The following TRPM3 variants were observed in gnomAD, a reference collection of about 807,000 sequenced individuals.
TRPM3 encodes the protein long transient receptor potential channel 3.
A neutral mutation model predicts 181.2 loss-of-function variants in TRPM3; 77 were observed. That is an observed-to-expected ratio of 0.42 (90% CI 0.35 to 0.51). The LOEUF (loss-of-function observed/expected upper bound fraction) is 0.51, where lower values mean the gene tolerates loss of function less well. Ranked by LOEUF, TRPM3 falls within the 20% of genes least tolerant of loss-of-function variation. The pLI is 0.01. For synonymous variants in TRPM3, 745 were observed against 796.4 expected, an observed-to-expected ratio of 0.94 and a Z score of 1.09; for missense variants, 1,759 against 2,196.7, an observed-to-expected ratio of 0.80 and a Z score of 3.98.
intron 1 of TRPM3, among the ~76,000 whole-genome samples, chr9:71,380,617 C>T (rs994805751): frequency 1.3e-5 from 2 of 151,874 alleles, no homozygotes; most frequent in Non-Finnish European, 2.9e-5. Context: ...CAGCAGAAAG[C>T]AAAGAAAATA....
At chr9:70,684,204 T>G (rs1325667718) in intron 8 of TRPM3, among the ~76,000 whole-genome samples, 2 of 152,150 alleles carry the variant, frequency 1.3e-5, no homozygotes, top group African/African-American at 4.8e-5. Context: ...CACATTTAGG[T>G]TTGAGGTTGA....
rs1018409556 is a variant in TRPM3, at chr9:71,098,938, G to A, written c.177+22240C>T. On this transcript the variant is annotated intron_variant, in intron 1 of 25. Coordinates refer to ENST00000677713, the MANE Select transcript of TRPM3 (RefSeq NM_001366145.2). ...TTGCTACACTTCCTTCTCTCCCAGA[G>A]CCATCAGTATGGTGTCATTGCCAGA... Among the ~76,000 whole-genome samples, 10 of 152,070 alleles carry A rather than the reference G, an allele frequency of 6.6e-5. No homozygotes were observed. The East Asian group carries it at 9.7e-4, about 15-fold the overall frequency.
At chr9:70,941,236 C>A (rs756136667) in intron 1 of TRPM3, among the ~76,000 whole-genome samples, 1 of 152,188 alleles carries the variant, frequency 6.6e-6, no homozygotes, top group Non-Finnish European at 1.5e-5. Context: ...GCATGGCTAG[C>A]ATAAAGCAGG....
At chr9:70,943,871 C>T (rs1009276983) in intron 1 of TRPM3, among the ~76,000 whole-genome samples, 7 of 152,122 alleles carry the variant, frequency 4.6e-5, no homozygotes, top group African/African-American at 1.7e-4. Context: ...TCTCCGTCTC[C>T]CAGGTTCAAG....
intron 1 of TRPM3, among the ~76,000 whole-genome samples, chr9:71,435,026 G>A (rs2094011793): frequency 6.6e-6 from 1 of 151,974 alleles, no homozygotes; most frequent in Admixed American, 6.6e-5. Context: ...ATTGCATTTT[G>A]CAATATCCAT....
intron 1 of TRPM3, among the ~76,000 whole-genome samples, chr9:71,031,345 C>T (rs1200796240): frequency 2.0e-5 from 3 of 152,098 alleles, no homozygotes; most frequent in Non-Finnish European, 4.4e-5. Flanking sequence ...TATGGTTAGC[C>T]TCATTTGAGT....
intron 1 of TRPM3, among the ~76,000 whole-genome samples, chr9:71,185,735 G>A (rs1216825252): frequency 1.3e-5 from 2 of 152,020 alleles, no homozygotes. Context: ...TCACAGATCA[G>A]GAAACTGAAG....
At chr9:71,193,183 T>C (rs992103152) in intron 1 of TRPM3, among the ~76,000 whole-genome samples, 2 of 151,810 alleles carry the variant, frequency 1.3e-5, no homozygotes, top group Admixed American at 1.3e-4. Context: ...CCATTTTCTC[T>C]ATAATGATGT....
Position 70,828,015 on chromosome 9 carries a change from C to T in TRPM3, c.805G>A (p.Val269Ile), listed in dbSNP as rs780916106. Residue 269 changes from valine to isoleucine, a missense_variant, in exon 6 of 26, where the codon GTC (valine) becomes ATC (isoleucine). By Grantham distance (29) the Val-to-Ile change is conservative. Around this residue, in one of 8 missense-constraint regions of TRPM3, gnomAD observed 737 missense variants for 957.4 expected, o/e 0.77. Transcript: ENST00000677713. Reference protein sequence around the residue: ...NQEDLIGRDVVRPYQTMSNPM... With the variant: ...NQEDLIGRDVIRPYQTMSNPM... The stretch of plus-strand genomic sequence containing the variant: ...TTGGACATGGTCTGGTATGGCCGGA[C>T]AACCTGCAGGGTATCAAATGGAAGA... The T allele has an allele frequency of 6.2e-6, 10 of 1,610,220 alleles. No homozygotes were observed. The highest frequency in any genetic ancestry group is 7.6e-6 in the Non-Finnish European group (9 of 1,177,568).
intron 1 of TRPM3, among the ~76,000 whole-genome samples, chr9:71,009,845 T>C (rs192928218): frequency 6.6e-6 from 1 of 152,158 alleles, no homozygotes; most frequent in East Asian, 1.9e-4. Flanking sequence ...AAAGCTATAG[T>C]AAGCAAAAAA....
intron 1 of TRPM3, among the ~76,000 whole-genome samples, chr9:70,967,847 T>C (rs990896103): frequency 3.3e-5 from 5 of 152,132 alleles, no homozygotes; most frequent in Non-Finnish European, 5.9e-5. Flanking sequence ...AAGGGTTTAA[T>C]GGTCCCCACA....
At chr9:70,756,475 C>T (rs1277580336) in intron 8 of TRPM3, among the ~76,000 whole-genome samples, 7 of 152,066 alleles carry the variant, frequency 4.6e-5, no homozygotes, top group Admixed American at 2.0e-4. Flanking sequence ...CTTGAACTCA[C>T]CTCTGGACCA....
intron 6 of TRPM3, among the ~76,000 whole-genome samples, chr9:70,809,439 T>C (rs1177223214): frequency 6.6e-6 from 1 of 152,222 alleles, no homozygotes; most frequent in Non-Finnish European, 1.5e-5. Context: ...TATTAAGGTG[T>C]ACTATTTGTA....
At chr9:70,974,445 A>G (rs2097280557) in intron 1 of TRPM3, among the ~76,000 whole-genome samples, 1 of 152,094 alleles carries the variant, frequency 6.6e-6, no homozygotes, top group South Asian at 2.1e-4. Context: ...AGGCTGAGGC[A>G]GGAGAATGGT....
At chr9:71,019,285 A>G (rs2097820697) in intron 1 of TRPM3, among the ~76,000 whole-genome samples, 1 of 151,958 alleles carries the variant, frequency 6.6e-6, no homozygotes, top group Admixed American at 6.6e-5. Context: ...TAAAATTAAA[A>G]GAATATTGGA....
chr9:71,445,900 C>T (rs764598067), intron 1 of TRPM3, among the ~76,000 whole-genome samples: 7 of 152,186 alleles, frequency 4.6e-5, no homozygotes, highest in Non-Finnish European at 7.3e-5. Flanking sequence ...TCTAGAACAG[C>T]GTTCTCTCCC....
intron 9 of TRPM3, among the ~76,000 whole-genome samples, chr9:70,645,868 C>T (rs991736817): frequency 1.3e-5 from 2 of 152,052 alleles, no homozygotes; most frequent in Admixed American, 6.5e-5. Flanking sequence ...CTATAAGGAA[C>T]TTAAACAAAT....
chr9:70,926,377 T>C (rs1432127853), intron 1 of TRPM3, among the ~76,000 whole-genome samples: 2 of 152,152 alleles, frequency 1.3e-5, no homozygotes, highest in Non-Finnish European at 2.9e-5. Flanking sequence ...TTTGTGGCCA[T>C]ATAATGCAGA....
At chr9:71,288,173 T>C (rs1475659048) in intron 1 of TRPM3, among the ~76,000 whole-genome samples, 1 of 151,330 alleles carries the variant, frequency 6.6e-6, no homozygotes, top group Non-Finnish European at 1.5e-5. Flanking sequence ...ATTAAATTTA[T>C]ATTAAATATA....
Sources: allele counts gnomAD v4.1 joint callset (sites outside exome capture counted in the v4.1 genomes callset), GRCh38; gene constraint gnomAD v4.1.1; regional missense constraint gnomAD v4.1.1; transcripts MANE v1.5; gene names NCBI Gene and HGNC (gene_info 2026-07-23, HGNC 2026-07-21).